Variants in BICC1 observed in about 807,000 individuals in gnomAD.
BICC1 encodes BicC family RNA binding protein 1, also known as protein bicaudal C homolog 1.
Under a neutral mutation model 111.0 loss-of-function variants are expected in BICC1, and 43 were observed. The observed-to-expected ratio is 0.39, with a 90% CI of 0.30 to 0.50. The LOEUF is 0.50. BICC1 is among the 20% of genes least tolerant of loss of function. The pLI is 0.88. For missense variants in BICC1, 1,091 were observed against 1,203.2 expected (o/e 0.91, Z 1.38); for synonymous variants, 467 against 434.4 (o/e 1.07, Z -0.93).
chr10:58,512,337 T>C (rs952512883), upstream of BICC1, among the ~76,000 whole-genome samples: 9 of 152,116 alleles, frequency 5.9e-5, no homozygotes, highest in Non-Finnish European at 1.2e-4. Flanking sequence ...GGGCATGATT[T>C]CTTCTCCAAG....
At chr10:58,640,551 G>C (rs1043419574) in intron 2 of BICC1, among the ~76,000 whole-genome samples, 7 of 152,120 alleles carry the variant, frequency 4.6e-5, no homozygotes, top group African/African-American at 1.7e-4. Flanking sequence ...GCAGCTTATA[G>C]ACATTTGTTA....
chr10:58,600,226 C>T (rs191961095), intron 1 of BICC1, among the ~76,000 whole-genome samples: 127 of 152,200 alleles, frequency 8.3e-4, no homozygotes, highest in South Asian at 4.6e-3. Context: ...CATAGCACCC[C>T]GTTTTTCAAA....
intron 3 of BICC1, among the ~76,000 whole-genome samples, chr10:58,747,953 A>G (rs545676796): frequency 5.4e-4 from 82 of 152,256 alleles, no homozygotes; most frequent in African/African-American, 1.7e-3. Context: ...TTGACTAGCT[A>G]AAGCCAAGTC....
At chr10:58,564,895 CA>C (rs2131960939) in intron 1 of BICC1, among the ~76,000 whole-genome samples, 1 of 152,160 alleles carries the variant, frequency 6.6e-6, no homozygotes, top group South Asian at 2.1e-4. Context: ...TTGTCCTTTT[CA>C]TTTTATATAA....
In BICC1 at chr10:58,785,557, GTC is replaced by G. The variant is rs145993132; in HGVS notation, c.387+495_387+496del. On this transcript the variant is annotated intron_variant, in intron 4 of 20. Transcript: ENST00000373886. ...GCTTGCTTTTGTGTGATCACGTGAT[GTC>G]TCTCTCTCTCTCTCTCTGTAAGTAT... is the stretch of plus-strand genomic sequence containing the variant. 2.5e-3 allele frequency among the ~76,000 whole-genome samples: 380 copies of G among 149,252 alleles called. 3 individuals are homozygous for G. Among genetic ancestry groups the G allele is most frequent in the South Asian group, 0.017 (82 of 4,748 alleles).
chr10:58,714,948 G>A (rs1380432748), intron 3 of BICC1, among the ~76,000 whole-genome samples: 12 of 151,522 alleles, frequency 7.9e-5, no homozygotes, highest in Admixed American at 7.9e-4. Context: ...GGTGGCACAC[G>A]CCTGTAATCC....
chr10:58,722,786 T>A (rs1369349893), intron 3 of BICC1, among the ~76,000 whole-genome samples: 1 of 152,192 alleles, frequency 6.6e-6, no homozygotes, highest in African/African-American at 2.4e-5. Flanking sequence ...TGAAATAAGT[T>A]TATTTTATAG....
chr10:58,618,127 G>C (rs1845678660), intron 1 of BICC1, among the ~76,000 whole-genome samples: 1 of 152,114 alleles, frequency 6.6e-6, no homozygotes, highest in Non-Finnish European at 1.5e-5. Flanking sequence ...CTATGTGTAA[G>C]GTCTTGTGTC....
chr10:58,687,469 T>C (rs1435740336), intron 2 of BICC1, among the ~76,000 whole-genome samples: 4 of 152,204 alleles, frequency 2.6e-5, no homozygotes, highest in African/African-American at 9.6e-5. Flanking sequence ...CCCCCAGAGG[T>C]GGAGTCTACA....
chr10:58,740,084 A>G (rs1327035750), intron 3 of BICC1, among the ~76,000 whole-genome samples: 5 of 152,140 alleles, frequency 3.3e-5, no homozygotes, highest in Non-Finnish European at 7.3e-5. Context: ...TTATATGTAA[A>G]ACAAGAATAA....
chr10:58,728,841 A>G (rs1364835822), intron 3 of BICC1, among the ~76,000 whole-genome samples: 2 of 152,140 alleles, frequency 1.3e-5, no homozygotes, highest in Non-Finnish European at 2.9e-5. Context: ...GACCAGGTGC[A>G]TTGTCAATGA....
intron 1 of BICC1, among the ~76,000 whole-genome samples, chr10:58,615,983 G>A (rs1845590251): frequency 6.6e-6 from 1 of 152,222 alleles, no homozygotes; most frequent in Non-Finnish European, 1.5e-5. Flanking sequence ...GAGGGATGCA[G>A]CAGAAGTAAG....
intron 3 of BICC1, among the ~76,000 whole-genome samples, chr10:58,711,796 G>GTTT (rs371286787): frequency 3.4e-5 from 3 of 89,546 alleles, no homozygotes; most frequent in Non-Finnish European, 6.5e-5. Context: ...ATATCTGGTA[G>GTTT]TTTTTTTTTT....
At chr10:58,563,011 C>T (rs1843652850) in intron 1 of BICC1, among the ~76,000 whole-genome samples, 1 of 152,064 alleles carries the variant, frequency 6.6e-6, no homozygotes, top group African/African-American at 2.4e-5. Flanking sequence ...TGAGGGTAGT[C>T]TCCTCTCTAT....
At chr10:58,589,880 A>G (rs1277661063) in intron 1 of BICC1, among the ~76,000 whole-genome samples, 1 of 152,148 alleles carries the variant, frequency 6.6e-6, no homozygotes, top group Non-Finnish European at 1.5e-5. Context: ...GTCATAGTGC[A>G]CTGCAGCCTT....
chr10:58,761,725 T>C (rs1392515862), intron 3 of BICC1, among the ~76,000 whole-genome samples: 1 of 152,120 alleles, frequency 6.6e-6, no homozygotes, highest in African/African-American at 2.4e-5. Context: ...GCTCCTCTCC[T>C]GGAGACTGAA....
At chr10:58,555,429 A>C (rs1484578374) in intron 1 of BICC1, among the ~76,000 whole-genome samples, 1 of 150,200 alleles carries the variant, frequency 6.7e-6, no homozygotes, top group Non-Finnish European at 1.5e-5. Flanking sequence ...AATTAGTAGT[A>C]CTGGTGGAAA....
At chr10:58,553,822 T>A (rs1467788211) in intron 1 of BICC1, among the ~76,000 whole-genome samples, 1 of 151,924 alleles carries the variant, frequency 6.6e-6, no homozygotes, top group African/African-American at 2.4e-5. Context: ...CAAGGGTAGC[T>A]TTTTGGAACT....
At position 58,695,729 on chromosome 10, in the gene BICC1, C is replaced by T. The variant is rs187277670; in HGVS notation, c.238-6345C>T. Among the ~76,000 whole-genome samples, 311 of 152,136 alleles carry T rather than the reference C, an allele frequency of 2.0e-3. 2 individuals are homozygous for T. The highest frequency in any genetic ancestry group is 6.8e-3 in the Middle Eastern group (2 of 294). On this transcript the variant is annotated intron_variant, in intron 2 of 20. Transcript: ENST00000373886. ...TTTCCTTCATCTGTAAGATATTATC[C>T]GGTAATTGCTGCAAACCTGCGACAT... is the stretch of plus-strand genomic sequence containing the variant.
Sources: gnomAD v4.1 joint callset for allele counts (sites outside exome capture counted in the v4.1 genomes callset) on GRCh38, gnomAD v4.1.1 for gene constraint, MANE v1.5 for transcripts, NCBI Gene and HGNC (gene_info 2026-07-23, HGNC 2026-07-21) for gene names.